ZNF443: variants seen among roughly 807,000 people sequenced by gnomAD.
ZNF443 encodes the protein zinc finger protein 443.
ZNF443 carries 3 observed loss-of-function variants against 12.0 expected under a neutral mutation model. The observed-to-expected ratio is 0.25, with a 90% CI of 0.11 to 0.64. ZNF443 has a LOEUF of 0.64. Among genes scored for constraint, ZNF443 ranks in the 30% least tolerant of loss-of-function variants. The probability of loss-of-function intolerance (pLI) is 0.84; values close to 1 mark genes in which losing one functional copy is unlikely to be tolerated. For missense variants in ZNF443, 770 were observed against 808.8 expected (o/e 0.95, Z 0.58); for synonymous variants, 225 against 265.9 (o/e 0.85, Z 1.50).
chr19:12,432,193 C>T (rs1439502197), intron 3 of ZNF443, 184 bp downstream of exon 3: 1 of 638,818 alleles, frequency 1.6e-6, no homozygotes, highest in Non-Finnish European at 2.6e-6. Flanking sequence ...ATATTGTTGT[C>T]ATGGGAACTA....
intron 1 of ZNF443, 68 bp downstream of exon 1, chr19:12,440,844 C>T: frequency 6.2e-7 from 1 of 1,613,144 alleles, no homozygotes; most frequent in Middle Eastern, 1.7e-4. Context: ...CGGGTCCAGC[C>T]ACAGCCGATT....
chr19:12,437,937 C>CAAA (rs3071453), intron 1 of ZNF443, among the ~76,000 whole-genome samples: 44,731 of 135,660 alleles, frequency 0.33, 7,290 homozygotes, highest in South Asian at 0.47. Flanking sequence ...ATTAAAAATA[C>CAAA]AAAAAAAAAA....
intron 1 of ZNF443, among the ~76,000 whole-genome samples, chr19:12,438,137 G>A (rs1011183506): frequency 6.6e-5 from 10 of 151,870 alleles, no homozygotes; most frequent in Admixed American, 6.6e-5. Flanking sequence ...GGAGGTGGGG[G>A]CATTGGCCTC....
At position 12,431,623 on chromosome 19, in the gene ZNF443, G is replaced by A; in HGVS notation, c.549C>T (p.Asn183=). The part of the protein sequence containing the change: ...ECGKSFSSLG[N]LQRHMAVQRG... Reference sequence around the variant, plus strand: ...GCTGCACTGCCATGTGTCTTTGAAGGTTTCCCAAAGAACTGAAGGACTTCC... The same window carrying A: ...GCTGCACTGCCATGTGTCTTTGAAGATTTCCCAAAGAACTGAAGGACTTCC... Residue 183 remains asparagine (N), a synonymous_variant, in exon 4 of 4, where the codon AAC becomes AAT. Transcript: ENST00000301547. The A allele has an allele frequency of 1.9e-6, 3 of 1,614,138 alleles. No homozygotes were observed. The highest frequency in any genetic ancestry group is 2.5e-6 in the Non-Finnish European group (3 of 1,180,018).
At chr19:12,438,451 T>C (rs1029312983) in intron 1 of ZNF443, among the ~76,000 whole-genome samples, 5 of 152,356 alleles carry the variant, frequency 3.3e-5, no homozygotes, top group Middle Eastern at 3.4e-3. Flanking sequence ...CCACAGAATT[T>C]AGCATTCATC....
In ZNF443 at chr19:12,429,797, ACT is replaced by A. The variant is rs1970229742; in HGVS notation, c.*357_*358del. 1 of 319,432 alleles carries A rather than the reference ACT, an allele frequency of 3.1e-6. No individual in the cohort carries two copies. Among genetic ancestry groups the A allele is most frequent in the African/African-American group, 2.1e-5 (1 of 47,288 alleles). 19.8% of individuals were successfully genotyped at this position (319,432 alleles called of 1,614,324 possible). A position where few individuals can be genotyped will look rare whatever the true frequency, so the allele number is the denominator to read the frequency against. On this transcript the variant is annotated 3_prime_UTR_variant, in exon 4 of 4. Transcript: ENST00000301547. ...CTGCATCTATACTGAAAATACATAG[ACT>A]CTTTTCCTTATCATGATTCCCTAAA... is the stretch of plus-strand genomic sequence containing the variant.
At position 12,431,629 on chromosome 19, in the gene ZNF443, C is replaced by T; in HGVS notation, c.543G>A (p.Leu181=). Residue 181 remains leucine, a synonymous_variant, in exon 4 of 4, where the codon TTG becomes TTA. Transcript: ENST00000301547. ...CKECGKSFSS[L]GNLQRHMAVQ... Reference sequence around the variant, plus strand: ...CTGCCATGTGTCTTTGAAGGTTTCCCAAAGAACTGAAGGACTTCCCACATT... The same window carrying T: ...CTGCCATGTGTCTTTGAAGGTTTCCTAAAGAACTGAAGGACTTCCCACATT... 6.2e-7 allele frequency: 1 copy of T among 1,614,122 alleles called. No individual in the cohort carries two copies. The highest frequency in any genetic ancestry group is 8.5e-7 in the Non-Finnish European group (1 of 1,180,004).
chr19:12,436,758 C>G (rs910528927), intron 1 of ZNF443, among the ~76,000 whole-genome samples: 3 of 150,424 alleles, frequency 2.0e-5, no homozygotes, highest in Non-Finnish European at 1.5e-5. Flanking sequence ...CATACACACA[C>G]ACACACACAC....
chr19:12,431,776 C>T lies in ZNF443; in HGVS notation c.396G>A (p.Glu132=), dbSNP rs768222384. 5.0e-6 allele frequency: 8 copies of T among 1,614,046 alleles called. No homozygotes were observed. The highest frequency in any genetic ancestry group is 6.8e-6 in the Non-Finnish European group (8 of 1,180,022). The part of the protein sequence containing the change: ...IRVGAGHKPH[E]YHECGEKPDT... ...CTGGCTTCTCTCCACATTCATGATA[C>T]TCATGTGGTTTGTGCCCAGCACCAA... The change falls in exon 4 of 4, where the codon GAG becomes GAA. Residue 132 remains glutamate, a synonymous_variant. Coordinates refer to ENST00000301547, the MANE Select transcript of ZNF443 (RefSeq NM_005815.5).
chr19:12,430,657 C>G lies in ZNF443; in HGVS notation c.1515G>C (p.Glu505Asp). 1 of 1,612,998 alleles carries G rather than the reference C, an allele frequency of 6.2e-7. No individual in the cohort carries two copies. The highest frequency in any genetic ancestry group is 8.5e-7 in the Non-Finnish European group (1 of 1,179,574). ...KTTHTGEKPY[E>D]CKECGKAFSR... Reference sequence around the variant, plus strand: ...TGAATGCTTTCCCACATTCCTTACACTCATATGGCTTCTCTCCAGTGTGAG... The same window carrying G: ...TGAATGCTTTCCCACATTCCTTACAGTCATATGGCTTCTCTCCAGTGTGAG... Residue 505 changes from glutamate (E) to aspartate (D), a missense_variant, in exon 4 of 4, where the codon GAG becomes GAC. Coordinates refer to ENST00000301547, the MANE Select transcript of ZNF443 (RefSeq NM_005815.5).
intron 3 of ZNF443, 179 bp from the exon 4 acceptor site, chr19:12,432,159 A>G: frequency 1.5e-6 from 1 of 673,574 alleles, no homozygotes; most frequent in Non-Finnish European, 2.4e-6. Flanking sequence ...TCTCAAGACA[A>G]TCACATTCAT....
At chr19:12,432,487 A>T (rs1408110508) in intron 2 of ZNF443, 50 bp from the exon 3 acceptor site, 1 of 1,243,856 alleles carries the variant, frequency 8.0e-7, no homozygotes, top group Non-Finnish European at 1.1e-6. Context: ...AAAATTATAG[A>T]CAAACAGTAA....
intron 1 of ZNF443, among the ~76,000 whole-genome samples, chr19:12,438,338 C>T (rs1352914233): frequency 6.6e-6 from 1 of 152,162 alleles, no homozygotes; most frequent in African/African-American, 2.4e-5. Flanking sequence ...AATACCTATC[C>T]CTTCCAGACA....
chr19:12,432,055 T>G (rs2144949809), intron 3 of ZNF443, 75 bp from the exon 4 acceptor site: 1 of 1,184,862 alleles, frequency 8.4e-7, no homozygotes. Flanking sequence ...GTATTGGATG[T>G]ACATTTTTAA....
rs763576798 is a variant in ZNF443, at chr19:12,430,877, T to A, written c.1295A>T (p.Tyr432Phe). Residue 432 changes from tyrosine to phenylalanine, a missense_variant, in exon 4 of 4, where the codon TAT becomes TTT. Tyr to Phe is a conservative substitution (Grantham distance 22). Around this residue, in one of 3 missense-constraint regions of ZNF443, gnomAD observed 736 missense variants for 689.4 expected, o/e 1.07. Transcript: ENST00000301547. ...TTCATGTCTTTGAAATACACTGGGA[T>A]AAACAAAGGCTTTCCCACATACCTT... ...KCKVCGKAFVYPSVFQRHERT... is the reference protein window; with the variant it reads ...KCKVCGKAFVFPSVFQRHERT... 6.2e-7 allele frequency: 1 copy of A among 1,614,032 alleles called. No individual in the cohort carries two copies. Among genetic ancestry groups the A allele is most frequent in the South Asian group, 1.1e-5 (1 of 91,074 alleles).
At position 12,431,720 on chromosome 19, in the gene ZNF443, C is replaced by A. The variant is rs751896983; in HGVS notation, c.452G>T (p.Ser151Ile). Residue 151 changes from serine to isoleucine, a missense_variant, in exon 4 of 4, where the codon AGT (serine) becomes ATT (isoleucine). By Grantham distance (142) the Ser-to-Ile change is moderately radical (BLOSUM62 -2). This residue lies in a region of ZNF443 where 736 missense variants were observed against 689.4 expected (regional missense o/e 1.07). Transcript: ENST00000301547. ...DTHKQRGKAFSYHNSFQTHER... is the reference protein window; with the variant it reads ...DTHKQRGKAFIYHNSFQTHER... ...ATGTGTTTGAAATGAGTTGTGGTAA[C>A]TGAAGGCTTTCCCACGTTGTTTATG... The A allele has an allele frequency of 6.2e-7, 1 of 1,614,138 alleles. No individual in the cohort carries two copies. Among genetic ancestry groups the A allele is most frequent in the Non-Finnish European group, 8.5e-7 (1 of 1,179,992 alleles).
intron 1 of ZNF443, 147 bp from the exon 2 acceptor site, chr19:12,433,344 C>T (rs749981789): frequency 9.6e-6 from 14 of 1,453,518 alleles, no homozygotes; most frequent in Admixed American, 2.8e-5. Flanking sequence ...TCTGTCTACA[C>T]TCACTTTCTC....
rs150109548 is a variant in ZNF443, at chr19:12,430,723, T to A, written c.1449A>T (p.Lys483Asn). ...GAAAGGAACAGAAATCAATACAGGC[T>A]TTCCCAAGTTTGCATTTATAGGGTT... ...GEKPYKCKLG[K>N]ACIDFCSFQN... is the part of the protein sequence containing the mutation. Residue 483 changes from lysine to asparagine, a missense_variant, in exon 4 of 4, where the codon AAA becomes AAT. By Grantham distance (94) the Lys-to-Asn change is moderately conservative. This residue lies in a region of ZNF443 where 736 missense variants were observed against 689.4 expected (regional missense o/e 1.07). Transcript: ENST00000301547. 918 of 1,613,354 alleles carry A rather than the reference T, an allele frequency of 5.7e-4. No individual in the cohort carries two copies. The highest frequency in any genetic ancestry group is 1.5e-3 in the Middle Eastern group (9 of 6,054).
At chr19:12,433,931 G>C (rs1599621431) in intron 1 of ZNF443, among the ~76,000 whole-genome samples, 1 of 152,034 alleles carries the variant, frequency 6.6e-6, no homozygotes, top group Non-Finnish European at 1.5e-5. Context: ...ATCCATAATG[G>C]GTGAATGAAT....
Sources: allele counts gnomAD v4.1 joint callset (sites outside exome capture counted in the v4.1 genomes callset), GRCh38; gene constraint gnomAD v4.1.1; regional missense constraint gnomAD v4.1.1; transcripts MANE v1.5; gene names NCBI Gene and HGNC (gene_info 2026-07-23, HGNC 2026-07-21).